Variants in WIPF2 observed in about 807,000 individuals in gnomAD.
The protein encoded by WIPF2 is WAS/WASL interacting protein family member 2, also known as WAS/WASL-interacting protein family member 2.
Under a neutral mutation model 38.8 loss-of-function variants are expected in WIPF2, and 23 were observed. That is an observed-to-expected ratio of 0.59 (90% CI 0.43 to 0.84). The LOEUF is 0.84. Ranked by LOEUF, WIPF2 falls within the 40% of genes least tolerant of loss-of-function variation. WIPF2 has a pLI of 0.00. For synonymous variants in WIPF2, 210 were observed against 223.2 expected (o/e 0.94, Z 0.53); for missense variants, 574 against 580.5 (o/e 0.99, Z 0.11).
intron 7 of WIPF2, among the ~76,000 whole-genome samples, chr17:40,277,832 T>A (rs922924878): frequency 8.6e-5 from 13 of 150,878 alleles, no homozygotes; most frequent in Non-Finnish European, 1.5e-4. Context: ...GTTCAAGTGA[T>A]TCTCCTGCTT....
At chr17:40,276,418 C>T (rs191765571) in intron 6 of WIPF2, among the ~76,000 whole-genome samples, 80 of 144,106 alleles carry the variant, frequency 5.6e-4, no homozygotes, top group African/African-American at 1.8e-3. Context: ...ATCTCAGGGA[C>T]GCTGGGGCAG....
At chr17:40,240,266 G>C (rs565211218) in intron 1 of WIPF2, among the ~76,000 whole-genome samples, 1 of 151,058 alleles carries the variant, frequency 6.6e-6, no homozygotes, top group African/African-American at 2.4e-5. Context: ...GGTTTCACCA[G>C]GTTGACCAGG....
chr17:40,236,279 A>G (rs1244079369), intron 1 of WIPF2, among the ~76,000 whole-genome samples: 1 of 147,828 alleles, frequency 6.8e-6, no homozygotes, highest in Non-Finnish European at 1.5e-5. Context: ...CTAGATATAA[A>G]ATTTTCTACT....
At chr17:40,220,939 C>T (rs1456392070) in intron 1 of WIPF2, among the ~76,000 whole-genome samples, 3 of 151,800 alleles carry the variant, frequency 2.0e-5, no homozygotes, top group Middle Eastern at 3.4e-3. Context: ...CCACACCTGG[C>T]TAATTTTTTT....
At position 40,273,902 on chromosome 17, in the gene WIPF2, T is replaced by C. The variant is rs1598501152; in HGVS notation, c.1083T>C (p.Pro361=). The part of the protein sequence containing the change: ...SEPPSRGKPP[P]PPSRTPAGPP... ...CCCCGAGCCGAGGAAAGCCCCCACC[T>C]CCACCCTCAAGGACGCCAGCTGGGC... The change falls in exon 6 of 8, where the codon CCT becomes CCC. Residue 361 remains proline, a synonymous_variant. Coordinates refer to ENST00000323571, the MANE Select transcript of WIPF2 (RefSeq NM_133264.5). The C allele has an allele frequency of 7.5e-7, 1 of 1,330,832 alleles. No individual in the cohort carries two copies. Among genetic ancestry groups the C allele is most frequent in the African/African-American group, 2.4e-5 (1 of 40,936 alleles). 82.4% of individuals were successfully genotyped at this position (1,330,832 alleles called of 1,614,324 possible). A position where few individuals can be genotyped will look rare whatever the true frequency, so the allele number is the denominator to read the frequency against.
intron 1 of WIPF2, among the ~76,000 whole-genome samples, chr17:40,252,477 A>G (rs1457522158): frequency 1.3e-5 from 2 of 152,080 alleles, no homozygotes; most frequent in African/African-American, 4.8e-5. Context: ...CAGCCTGGCT[A>G]ACTTGGTGAA....
chr17:40,247,069 G>A (rs1047775032), intron 1 of WIPF2, among the ~76,000 whole-genome samples: 1 of 151,774 alleles, frequency 6.6e-6, no homozygotes, highest in African/African-American at 2.4e-5. Flanking sequence ...AGCCGAGATC[G>A]TGCCATTGCA....
chr17:40,219,419 C>G lies in WIPF2; in HGVS notation c.-143C>G. The G allele has an allele frequency of 2.6e-6, 1 of 382,490 alleles. No individual in the cohort carries two copies. Among genetic ancestry groups the G allele is most frequent in the Non-Finnish European group, 5.0e-6 (1 of 201,038 alleles). 23.7% of individuals were successfully genotyped at this position (382,490 alleles called of 1,614,324 possible). A position where few individuals can be genotyped will look rare whatever the true frequency, so the allele number is the denominator to read the frequency against. On this transcript the variant is annotated 5_prime_UTR_variant, in exon 1 of 8. Transcript: ENST00000323571. Reference sequence around the variant, plus strand: ...GCGGCGACGGCGAGAAAGAGCTTGCCGGGGGGCGAGCAGGACAGGACGAAG... The same window carrying G: ...GCGGCGACGGCGAGAAAGAGCTTGCGGGGGGGCGAGCAGGACAGGACGAAG...
intron 2 of WIPF2, among the ~76,000 whole-genome samples, chr17:40,257,197 T>G (rs2031755375): frequency 1.3e-5 from 2 of 152,192 alleles, no homozygotes; most frequent in Non-Finnish European, 2.9e-5. Flanking sequence ...CAGGCTGGTC[T>G]TGAACTCCTG....
chr17:40,229,851 A>G (rs2030667271), intron 1 of WIPF2, among the ~76,000 whole-genome samples: 1 of 152,214 alleles, frequency 6.6e-6, no homozygotes, highest in Non-Finnish European at 1.5e-5. Flanking sequence ...ATTGACTTTT[A>G]AGGGTGAAAC....
rs1412991803 is a variant in WIPF2 at position 40,279,410 on chromosome 17, C to T, written c.*1185C>T. 1.3e-5 allele frequency: 2 copies of T among 152,722 alleles called. No individual in the cohort carries two copies. The highest frequency in any genetic ancestry group is 2.4e-5 in the African/African-American group (1 of 41,468). 9.5% of individuals were successfully genotyped at this position (152,722 alleles called of 1,614,324 possible). On this transcript the variant is annotated 3_prime_UTR_variant, in exon 8 of 8. Transcript: ENST00000323571. The stretch of plus-strand genomic sequence containing the variant: ...CTTCCCAGGACTGCACGGTTTAACA[C>T]AGCAGAGTACAGAAGGGTGAAGAAG...
Position 40,257,843 on chromosome 17 carries a change from G to A in WIPF2, c.63+1321G>A, listed in dbSNP as rs562434331. Among the ~76,000 whole-genome samples the A allele has an allele frequency of 6.4e-4, 98 of 152,146 alleles. 1 individual carries two copies. Among genetic ancestry groups the A allele is most frequent in the East Asian group, 3.9e-4 (2 of 5,186 alleles). On this transcript the variant is annotated intron_variant, in intron 2 of 7. Transcript: ENST00000323571. The stretch of plus-strand genomic sequence containing the variant: ...TGACTTCAGAGAAGAATAGGCCATG[G>A]GTGTGTGTATGTGTGCACGCATAGG...
At chr17:40,261,910 A>C (rs1460082088) in intron 3 of WIPF2, among the ~76,000 whole-genome samples, 1 of 145,418 alleles carries the variant, frequency 6.9e-6, no homozygotes, top group African/African-American at 2.5e-5. Context: ...TCCTGACCTC[A>C]TGATCCGCCC....
chr17:40,277,479 A>G (rs1283902720), intron 7 of WIPF2, among the ~76,000 whole-genome samples: 2 of 152,102 alleles, frequency 1.3e-5, no homozygotes, highest in Non-Finnish European at 2.9e-5. Flanking sequence ...CGGGAGATCA[A>G]GACCATCCTA....
intron 1 of WIPF2, among the ~76,000 whole-genome samples, chr17:40,226,583 CT>C (rs1253762432): frequency 2.0e-5 from 3 of 152,054 alleles, no homozygotes; most frequent in African/African-American, 7.2e-5. Flanking sequence ...GATAAGTGGA[CT>C]TTTCCTTCTT....
At chr17:40,277,820 A>G (rs2032453330) in intron 7 of WIPF2, among the ~76,000 whole-genome samples, 1 of 141,442 alleles carries the variant, frequency 7.1e-6, no homozygotes, top group South Asian at 2.2e-4. Context: ...TCTGCCTCCC[A>G]GGTTCAAGTG....
At chr17:40,247,400 G>T (rs2031406820) in intron 1 of WIPF2, among the ~76,000 whole-genome samples, 1 of 151,306 alleles carries the variant, frequency 6.6e-6, no homozygotes, top group Non-Finnish European at 1.5e-5. Context: ...TGTATTTTTA[G>T]TAGGGATGGG....
intron 1 of WIPF2, among the ~76,000 whole-genome samples, chr17:40,241,938 C>T (rs900352135): frequency 3.3e-5 from 5 of 152,156 alleles, no homozygotes; most frequent in African/African-American, 1.2e-4. Flanking sequence ...CCAAATAGTA[C>T]TTGTCTTAGC....
chr17:40,229,394 G>T (rs1479136992), intron 1 of WIPF2, among the ~76,000 whole-genome samples: 1 of 150,172 alleles, frequency 6.7e-6, no homozygotes, highest in Non-Finnish European at 1.5e-5. Flanking sequence ...GGTGTGAGCC[G>T]CCGCACCTGG....
Sources: gnomAD v4.1 joint callset for allele counts (sites outside exome capture counted in the v4.1 genomes callset) on GRCh38, gnomAD v4.1.1 for gene constraint, MANE v1.5 for transcripts, NCBI Gene and HGNC (gene_info 2026-07-23, HGNC 2026-07-21) for gene names.